GNAL: variants seen among roughly 807,000 people sequenced by gnomAD.
GNAL encodes guanine nucleotide-binding protein G(olf) subunit alpha.
A neutral mutation model predicts 55.1 loss-of-function variants in GNAL; 18 were observed. That is an observed-to-expected ratio of 0.33 (90% CI 0.23 to 0.48). GNAL has a LOEUF of 0.48. Ranked by LOEUF, GNAL falls within the 20% of genes least tolerant of loss-of-function variation. The probability of loss-of-function intolerance (pLI) is 0.99; values close to 1 mark genes in which losing one functional copy is unlikely to be tolerated. For missense variants in GNAL, 412 were observed against 614.1 expected, an observed-to-expected ratio of 0.67 and a Z score of 3.48; for synonymous variants, 253 against 237.0, an observed-to-expected ratio of 1.07 and a Z score of -0.62.
chr18:11,760,034 G>C (rs550496056), intron 4 of GNAL, among the ~76,000 whole-genome samples: 1 of 152,124 alleles, frequency 6.6e-6, no homozygotes, highest in South Asian at 2.1e-4. Flanking sequence ...CCACCTCCCA[G>C]TGCCATCAGA....
Position 11,754,981 on chromosome 18 carries a change from A to G in GNAL, c.624+1036A>G, listed in dbSNP as rs2032992499. 2.8e-5 allele frequency among the ~76,000 whole-genome samples: 4 copies of G among 144,274 alleles called. No individual in the cohort carries two copies. In the South Asian group the frequency reaches 9.4e-4, roughly 34 times the overall value. The allele number at this position is 144,274 out of a possible 152,430, so 94.6% of individuals were successfully genotyped here. On this transcript the variant is annotated intron_variant, in intron 4 of 11. Coordinates refer to ENST00000334049, the MANE Select transcript of GNAL (RefSeq NM_182978.4). The stretch of plus-strand genomic sequence containing the variant: ...GTCATTTTCATTTTTGTTACAGTGC[A>G]CCAGAAGTGAGTGTGTATGTGTGTG...
At chr18:11,759,460 A>G (rs1164385036) in intron 4 of GNAL, among the ~76,000 whole-genome samples, 1 of 152,240 alleles carries the variant, frequency 6.6e-6, no homozygotes, top group African/African-American at 2.4e-5. Context: ...TTCCTAAATT[A>G]TTACCCAGAG....
chr18:11,864,407 A>G (rs1454561421), intron 6 of GNAL, 126 bp from the exon 7 acceptor site: 5 of 702,028 alleles, frequency 7.1e-6, no homozygotes, highest in African/African-American at 5.3e-5. Flanking sequence ...TTGGTTCTTA[A>G]TTGTTGTTTC....
At chr18:11,735,139 C>T (rs969561732) in intron 1 of GNAL, among the ~76,000 whole-genome samples, 5 of 151,724 alleles carry the variant, frequency 3.3e-5, no homozygotes, top group Non-Finnish European at 5.9e-5. Context: ...CAACCTCCAC[C>T]TCCCAGGTTC....
intron 9 of GNAL, 72 bp from the exon 10 acceptor site, chr18:11,872,196 C>G: frequency 1.1e-6 from 1 of 949,974 alleles, no homozygotes; most frequent in Non-Finnish European, 1.6e-6. Flanking sequence ...TTTAATTTAG[C>G]AACTTCTATG....
At chr18:11,767,051 C>G (rs889860868) in intron 4 of GNAL, among the ~76,000 whole-genome samples, 9 of 152,236 alleles carry the variant, frequency 5.9e-5, no homozygotes, top group Admixed American at 5.2e-4. Context: ...TTTTGTCCCT[C>G]CCATACCCAT....
At position 11,711,316 on chromosome 18, in the gene GNAL, C is replaced by T. The variant is rs529037405; in HGVS notation, c.376+21377C>T. 8.5e-5 allele frequency among the ~76,000 whole-genome samples: 13 copies of T among 152,218 alleles called. No individual in the cohort carries two copies. In the South Asian group the frequency reaches 1.7e-3, roughly 19 times the overall value. On this transcript the variant is annotated intron_variant, in intron 1 of 11. Coordinates refer to ENST00000334049, the MANE Select transcript of GNAL (RefSeq NM_182978.4). ...CTTTCTTCCTCAGTTTCTTTCTTCA[C>T]CTTCTAGGATTCTCAAAATGTATAC...
intron 5 of GNAL, among the ~76,000 whole-genome samples, chr18:11,846,299 A>G (rs2035732970): frequency 6.6e-6 from 1 of 152,074 alleles, no homozygotes; most frequent in Non-Finnish European, 1.5e-5. Context: ...AGGAATAATA[A>G]ACCGTGCATT....
intron 4 of GNAL, among the ~76,000 whole-genome samples, chr18:11,789,302 A>G (rs1439279349): frequency 6.6e-6 from 1 of 152,140 alleles, no homozygotes; most frequent in Non-Finnish European, 1.5e-5. Context: ...GCTGCCAGAT[A>G]CTCAGGTATT....
In GNAL at chr18:11,743,195, T is replaced by TA. The variant is rs1367793097; in HGVS notation, c.377-9657dup. Among the ~76,000 whole-genome samples the TA allele has an allele frequency of 1.1e-4, 16 of 152,046 alleles. 1 individual carries two copies. The Middle Eastern group carries it at 0.014, about 131-fold the overall frequency. ...ATTCATGTGGAATCAGGTGTTAGCCTAGGGGCCACATGAGATGAGGTGTTG... is the reference window on the plus strand; with the variant it reads ...ATTCATGTGGAATCAGGTGTTAGCCTAAGGGGCCACATGAGATGAGGTGTTG... On this transcript the variant is annotated intron_variant, in intron 1 of 11. Coordinates refer to ENST00000334049, the MANE Select transcript of GNAL (RefSeq NM_182978.4).
chr18:11,756,739 A>C (rs2033069191), intron 4 of GNAL, among the ~76,000 whole-genome samples: 1 of 152,138 alleles, frequency 6.6e-6, no homozygotes, highest in South Asian at 2.1e-4. Flanking sequence ...GATGATCCTC[A>C]TTCAGAATGA....
chr18:11,803,623 G>A (rs1359727265), intron 4 of GNAL, among the ~76,000 whole-genome samples: 3 of 152,180 alleles, frequency 2.0e-5, no homozygotes, highest in African/African-American at 7.2e-5. Flanking sequence ...TGCAGGTGCA[G>A]TTTGGATGGA....
intron 1 of GNAL, among the ~76,000 whole-genome samples, chr18:11,722,455 C>G (rs1598411682): frequency 6.6e-6 from 1 of 152,208 alleles, no homozygotes; most frequent in African/African-American, 2.4e-5. Flanking sequence ...TTGCATAGTA[C>G]AACAGTGCTT....
At chr18:11,692,745 C>G (rs546282667) in intron 1 of GNAL, among the ~76,000 whole-genome samples, 3 of 152,054 alleles carry the variant, frequency 2.0e-5, no homozygotes, top group Non-Finnish European at 4.4e-5. Flanking sequence ...AGTAAAACCC[C>G]ATCTCTACAA....
chr18:11,725,441 A>C (rs967094496), intron 1 of GNAL, among the ~76,000 whole-genome samples: 1 of 152,204 alleles, frequency 6.6e-6, no homozygotes, highest in Admixed American at 6.5e-5. Flanking sequence ...GTGAGAAAAT[A>C]AATTTCTGTT....
Position 11,868,258 on chromosome 18 carries a change from C to T in GNAL, c.911-285C>T, listed in dbSNP as rs1203257393. Among the ~76,000 whole-genome samples, 2 of 152,078 alleles carry T rather than the reference C, an allele frequency of 1.3e-5. No homozygotes were observed. The highest frequency in any genetic ancestry group is 2.1e-4 in the South Asian group (1 of 4,826). ...GAAGTTGCAGTGAGCCAAGATCATG[C>T]CATTGCACTCCAGCCTGGGAGACAA... On this transcript the variant is annotated intron_variant, in intron 8 of 11. Transcript: ENST00000334049. This position sits in a 1 kb window ranked among gnomAD's most constrained non-coding sequence, Gnocchi z 4.0.
intron 4 of GNAL, among the ~76,000 whole-genome samples, chr18:11,784,180 G>T (rs755682388): frequency 1.2e-4 from 19 of 152,232 alleles, no homozygotes; most frequent in Admixed American, 7.8e-4. Flanking sequence ...CTTGTCTTTG[G>T]TCTCCCAGTG....
chr18:11,699,033 A>T (rs1276458002), intron 1 of GNAL, among the ~76,000 whole-genome samples: 1 of 152,168 alleles, frequency 6.6e-6, no homozygotes, highest in Non-Finnish European at 1.5e-5. Context: ...CCTAACTCCA[A>T]GGGCCCAAAA....
At chr18:11,749,019 G>A (rs886394351) in intron 1 of GNAL, among the ~76,000 whole-genome samples, 4 of 151,552 alleles carry the variant, frequency 2.6e-5, no homozygotes, top group Non-Finnish European at 4.4e-5. Flanking sequence ...CCAGCTACTC[G>A]GGAGGCTGAG....
Sources: allele counts gnomAD v4.1 joint callset (sites outside exome capture counted in the v4.1 genomes callset), GRCh38; gene constraint gnomAD v4.1.1; non-coding constraint Gnocchi (gnomAD v3.1); transcripts MANE v1.5; gene names NCBI Gene and HGNC (gene_info 2026-07-23, HGNC 2026-07-21).